Variants in VTI1A observed in about 807,000 individuals in gnomAD.
VTI1A encodes vesicle transport through interaction with t-SNAREs 1A.
A neutral mutation model predicts 34.9 loss-of-function variants in VTI1A; 22 were observed. The observed-to-expected ratio is 0.63, with a 90% CI of 0.45 to 0.90. The LOEUF is 0.90. VTI1A is among the 40% of genes least tolerant of loss of function. VTI1A has a pLI of 0.00. For synonymous variants in VTI1A, 87 were observed against 97.3 expected (o/e 0.89, Z 0.62); for missense variants, 268 against 275.6 (o/e 0.97, Z 0.20).
intron 7 of VTI1A, among the ~76,000 whole-genome samples, chr10:112,765,112 C>T (rs1851601291): frequency 6.6e-6 from 1 of 152,218 alleles, no homozygotes. Flanking sequence ...TATTATTATA[C>T]CTGTTTCCTA....
intron 3 of VTI1A, among the ~76,000 whole-genome samples, chr10:112,472,717 A>T (rs990258247): frequency 2.0e-5 from 3 of 152,242 alleles, no homozygotes; most frequent in African/African-American, 7.2e-5. Flanking sequence ...AAACCATGAA[A>T]ACATGTTTTA....
intron 3 of VTI1A, among the ~76,000 whole-genome samples, chr10:112,510,240 A>C (rs577411322): frequency 1.3e-5 from 2 of 152,364 alleles, no homozygotes; most frequent in East Asian, 1.9e-4. Context: ...TGAGATTTGC[A>C]TTAAGTTCCT....
At chr10:112,512,070 G>A (rs943390847) in intron 3 of VTI1A, among the ~76,000 whole-genome samples, 19 of 152,078 alleles carry the variant, frequency 1.2e-4, no homozygotes, top group African/African-American at 4.6e-4. Context: ...TTTCCTTTGG[G>A]TAGATACTCC....
In VTI1A at chr10:112,460,517, G is replaced by C; in HGVS notation, c.95-7G>C. 6.2e-7 allele frequency: 1 copy of C among 1,600,998 alleles called. No individual in the cohort carries two copies. Among genetic ancestry groups the C allele is most frequent in the Non-Finnish European group, 8.5e-7 (1 of 1,175,938 alleles). Reference sequence around the variant, plus strand: ...TAGCAATTTCTTGGTATTATTGTTTGTTTCAGATGAAAAGAAACAGATGGT... The same window carrying C: ...TAGCAATTTCTTGGTATTATTGTTTCTTTCAGATGAAAAGAAACAGATGGT... On this transcript the variant is annotated splice_region_variant and splice_polypyrimidine_tract_variant and intron_variant, in intron 1 of 7. Coordinates refer to ENST00000393077, the MANE Select transcript of VTI1A (RefSeq NM_145206.4).
At chr10:112,486,874 C>T (rs779391775) in intron 3 of VTI1A, among the ~76,000 whole-genome samples, 1 of 151,814 alleles carries the variant, frequency 6.6e-6, no homozygotes, top group Non-Finnish European at 1.5e-5. Context: ...TCTGCATTTC[C>T]ACATCCACAT....
chr10:112,583,760 T>A (rs1268217517), intron 5 of VTI1A, among the ~76,000 whole-genome samples: 1 of 152,134 alleles, frequency 6.6e-6, no homozygotes, highest in Non-Finnish European at 1.5e-5. Context: ...GAGAGCTAGT[T>A]GTGTACTGAA....
chr10:112,453,874 A>G (rs754548988), intron 1 of VTI1A, among the ~76,000 whole-genome samples: 10 of 152,308 alleles, frequency 6.6e-5, no homozygotes, highest in Middle Eastern at 3.4e-3. Flanking sequence ...GGAACCTCTC[A>G]GCTGACAAAG....
chr10:112,760,098 C>T (rs887206505), intron 7 of VTI1A, among the ~76,000 whole-genome samples: 4 of 152,112 alleles, frequency 2.6e-5, no homozygotes, highest in Non-Finnish European at 5.9e-5. Flanking sequence ...GGAGTCCACA[C>T]GAAGAACTAG....
At chr10:112,486,005 T>C (rs1413386952) in intron 3 of VTI1A, among the ~76,000 whole-genome samples, 1 of 152,208 alleles carries the variant, frequency 6.6e-6, no homozygotes, top group Non-Finnish European at 1.5e-5. Context: ...ATCCTTTTAT[T>C]TATCTATACA....
At chr10:112,708,757 G>T (rs1271414414) in intron 7 of VTI1A, among the ~76,000 whole-genome samples, 1 of 152,210 alleles carries the variant, frequency 6.6e-6, no homozygotes, top group African/African-American at 2.4e-5. Context: ...ACCAATAAAT[G>T]CTGCTCATAT....
At chr10:112,717,827 G>C (rs1379261276) in intron 7 of VTI1A, among the ~76,000 whole-genome samples, 1 of 152,178 alleles carries the variant, frequency 6.6e-6, no homozygotes, top group African/African-American at 2.4e-5. Context: ...GGTTGACGAA[G>C]ACCAGTGGGG....
the VTI1A span, among the ~76,000 whole-genome samples, chr10:112,854,544 C>T: frequency 1.3e-5 from 2 of 152,150 alleles, no homozygotes; most frequent in Admixed American, 1.3e-4. Flanking sequence ...GTGAACAGAA[C>T]TGATTTCCAG....
chr10:112,589,402 T>C lies in VTI1A; in HGVS notation c.427+51072T>C, dbSNP rs187588247. 1.6e-3 allele frequency among the ~76,000 whole-genome samples: 245 copies of C among 151,594 alleles called. 2 individuals are homozygous for C. The highest frequency in any genetic ancestry group is 5.6e-3 in the African/African-American group (232 of 41,144). Reference sequence around the variant, plus strand: ...TTGCCACTGCTATGTGAGACGTGCCTTTCACCTTCCACCATGATCGTGGAA... The same window carrying C: ...TTGCCACTGCTATGTGAGACGTGCCCTTCACCTTCCACCATGATCGTGGAA... On this transcript the variant is annotated intron_variant, in intron 5 of 7. Coordinates refer to ENST00000393077, the MANE Select transcript of VTI1A (RefSeq NM_145206.4).
At chr10:112,477,734 A>G (rs555636652) in intron 3 of VTI1A, among the ~76,000 whole-genome samples, 4 of 152,382 alleles carry the variant, frequency 2.6e-5, no homozygotes, top group African/African-American at 9.6e-5. Flanking sequence ...GTACTTTAAA[A>G]CAAGGATGCC....
chr10:112,848,524 G>A, the VTI1A span, among the ~76,000 whole-genome samples: 1 of 152,182 alleles, frequency 6.6e-6, no homozygotes, highest in African/African-American at 2.4e-5. Context: ...AGTCTCATGA[G>A]AAACAACAGA....
the VTI1A span, among the ~76,000 whole-genome samples, chr10:112,839,877 A>G: frequency 6.6e-6 from 1 of 152,166 alleles, no homozygotes; most frequent in African/African-American, 2.4e-5. Flanking sequence ...GAGTGGTGAC[A>G]GGCAGCTTGG....
chr10:112,673,450 ACATGCGCG>A (rs1410081079), intron 7 of VTI1A, among the ~76,000 whole-genome samples: 2 of 131,502 alleles, frequency 1.5e-5, no homozygotes, highest in African/African-American at 5.9e-5. Context: ...CCATTCACAC[ACATGCGCG>A]CGTGCGCGCG....
intron 7 of VTI1A, among the ~76,000 whole-genome samples, chr10:112,793,448 T>C (rs754624255): frequency 6.6e-6 from 1 of 152,200 alleles, no homozygotes; most frequent in East Asian, 1.9e-4. Context: ...CATTCCAAGG[T>C]TCTATACATT....
the VTI1A span, among the ~76,000 whole-genome samples, chr10:112,845,325 C>T: frequency 7.2e-5 from 11 of 152,308 alleles, no homozygotes; most frequent in East Asian, 1.7e-3. Flanking sequence ...TGGCTGAATC[C>T]TGGGGGCAGC....
Sources: allele counts gnomAD v4.1 joint callset (sites outside exome capture counted in the v4.1 genomes callset), GRCh38; gene constraint gnomAD v4.1.1; transcripts MANE v1.5; gene names NCBI Gene and HGNC (gene_info 2026-07-23, HGNC 2026-07-21).